The following IFT80 variants were observed in gnomAD, a reference collection of about 807,000 sequenced individuals.
IFT80 encodes intraflagellar transport protein 80 homolog.
IFT80 carries 79 observed loss-of-function variants against 107.9 expected under a neutral mutation model. The ratio of observed to expected loss-of-function variants is 0.73; its 90% CI spans 0.61 to 0.88. The LOEUF (loss-of-function observed/expected upper bound fraction) is 0.88, where lower values mean the gene tolerates loss of function less well. Ranked by LOEUF, IFT80 falls within the 40% of genes least tolerant of loss-of-function variation. IFT80 has a pLI of 0.00. For missense variants in IFT80, 797 were observed against 914.2 expected (o/e 0.87, Z 1.65); for synonymous variants, 299 against 300.9 (o/e 0.99, Z 0.07).
chr3:160,336,374 T>C (rs1424402546), intron 8 of IFT80, among the ~76,000 whole-genome samples: 3 of 152,226 alleles, frequency 2.0e-5, no homozygotes, highest in Admixed American at 6.5e-5. Flanking sequence ...TCATTTACTT[T>C]TGAGGTTTAG....
chr3:160,379,118 A>T (rs2108399700), intron 3 of IFT80, among the ~76,000 whole-genome samples: 1 of 152,350 alleles, frequency 6.6e-6, no homozygotes, highest in East Asian at 1.9e-4. Flanking sequence ...TCAAACCAAC[A>T]TCATAAATCT....
intron 13 of IFT80, 67 bp downstream of exon 13, chr3:160,285,737 C>A: frequency 1.9e-6 from 2 of 1,035,346 alleles, no homozygotes; most frequent in South Asian, 1.4e-5. Context: ...AAAATGAAAA[C>A]ATTAATTTTG....
chr3:160,335,784 C>T (rs946175990), intron 8 of IFT80, among the ~76,000 whole-genome samples: 2 of 152,104 alleles, frequency 1.3e-5, no homozygotes, highest in South Asian at 2.1e-4. Context: ...TTTTCATCAC[C>T]ATAAAAGGAA....
At chr3:160,290,870 T>C (rs975761787) in intron 12 of IFT80, among the ~76,000 whole-genome samples, 1 of 152,100 alleles carries the variant, frequency 6.6e-6, no homozygotes. Flanking sequence ...CTAAACGAGC[T>C]TTATGTTAAG....
At chr3:160,364,976 A>G (rs1188635063) in intron 6 of IFT80, among the ~76,000 whole-genome samples, 1 of 151,492 alleles carries the variant, frequency 6.6e-6, no homozygotes, top group Non-Finnish European at 1.5e-5. Context: ...CATTGTGCAC[A>G]TGTACCCTAG....
At chr3:160,279,970 T>C (rs1002101405) in intron 15 of IFT80, among the ~76,000 whole-genome samples, 32 of 152,086 alleles carry the variant, frequency 2.1e-4, no homozygotes, top group African/African-American at 7.5e-4. Flanking sequence ...AAAGACTAAT[T>C]TTTTTTCATT....
At chr3:160,351,054 T>C (rs1720662735) in intron 8 of IFT80, among the ~76,000 whole-genome samples, 1 of 151,884 alleles carries the variant, frequency 6.6e-6, no homozygotes, top group Non-Finnish European at 1.5e-5. Flanking sequence ...ATTTTGAAAA[T>C]GTAGATATGC....
chr3:160,322,570 C>A (rs1718327918), intron 8 of IFT80, among the ~76,000 whole-genome samples: 1 of 152,102 alleles, frequency 6.6e-6, no homozygotes, highest in African/African-American at 2.4e-5. Flanking sequence ...ATGGCTGGGT[C>A]AAATGGTATT....
chr3:160,391,137 C>G (rs942051446), intron 1 of IFT80, among the ~76,000 whole-genome samples: 2 of 152,212 alleles, frequency 1.3e-5, no homozygotes, highest in African/African-American at 4.8e-5. Context: ...CCGCAAGGAA[C>G]AGTACCTCTG....
intron 8 of IFT80, among the ~76,000 whole-genome samples, chr3:160,333,728 T>C (rs559857424): frequency 1.3e-5 from 2 of 152,322 alleles, no homozygotes; most frequent in African/African-American, 2.4e-5. Flanking sequence ...TGTCTTCTTC[T>C]GCAATACTTC....
chr3:160,323,511 C>A (rs187138489), intron 8 of IFT80, among the ~76,000 whole-genome samples: 2 of 152,006 alleles, frequency 1.3e-5, no homozygotes, highest in Non-Finnish European at 2.9e-5. Flanking sequence ...GATTGAACAA[C>A]CTGCTGCTGA....
intron 6 of IFT80, among the ~76,000 whole-genome samples, chr3:160,361,472 C>G (rs996038959): frequency 6.6e-6 from 1 of 152,122 alleles, no homozygotes; most frequent in Non-Finnish European, 1.5e-5. Context: ...ATCAACAAGA[C>G]AGAAGGTTAA....
At chr3:160,323,804 C>CA (rs933370821) in intron 8 of IFT80, among the ~76,000 whole-genome samples, 9 of 150,196 alleles carry the variant, frequency 6.0e-5, no homozygotes, top group Admixed American at 1.3e-4. Flanking sequence ...AAATAGAGAC[C>CA]AAAAAAAACC....
intron 5 of IFT80, among the ~76,000 whole-genome samples, chr3:160,367,975 C>CAACT (rs1203139756): frequency 6.6e-6 from 1 of 151,836 alleles, no homozygotes; most frequent in Non-Finnish European, 1.5e-5. Flanking sequence ...AATAGTAACC[C>CAACT]AACTATATTT....
intron 13 of IFT80, among the ~76,000 whole-genome samples, chr3:160,285,533 T>C (rs1715026640): frequency 6.6e-6 from 1 of 152,212 alleles, no homozygotes; most frequent in Non-Finnish European, 1.5e-5. Context: ...AAAGAACATG[T>C]AACTGAAAAA....
At chr3:160,276,063 T>G (rs559093406) in intron 18 of IFT80, among the ~76,000 whole-genome samples, 31 of 152,062 alleles carry the variant, frequency 2.0e-4, no homozygotes, top group African/African-American at 7.5e-4. Context: ...AGAGACAGTG[T>G]TTCACCATAT....
intron 4 of IFT80, among the ~76,000 whole-genome samples, chr3:160,377,220 T>A (rs1032155344): frequency 2.6e-5 from 4 of 152,338 alleles, no homozygotes; most frequent in Middle Eastern, 3.4e-3. Context: ...AAAAGCCTTC[T>A]TTGACAGAAC....
chr3:160,280,914 TG>T, intron 14 of IFT80, 100 bp from the exon 15 acceptor site: 1 of 1,006,322 alleles, frequency 9.9e-7, no homozygotes, highest in Non-Finnish European at 1.5e-6. Context: ...ATACAATTTC[TG>T]GTAGATATGA....
intron 10 of IFT80, among the ~76,000 whole-genome samples, chr3:160,305,421 G>C (rs188985065): frequency 6.6e-6 from 1 of 152,074 alleles, no homozygotes; most frequent in Admixed American, 6.5e-5. Flanking sequence ...AATTAGTCTG[G>C]GGTTCATAGA....
Sources: gnomAD v4.1 joint callset for allele counts (sites outside exome capture counted in the v4.1 genomes callset) on GRCh38, gnomAD v4.1.1 for gene constraint, MANE v1.5 for transcripts, NCBI Gene and HGNC (gene_info 2026-07-23, HGNC 2026-07-21) for gene names.